The following MDM4 variants were observed in gnomAD, a reference collection of about 807,000 sequenced individuals.
MDM4 encodes protein Mdm4.
A neutral mutation model predicts 60.2 loss-of-function variants in MDM4; 2 were observed. That is an observed-to-expected ratio of 0.03 (90% confidence interval 0.01 to 0.10). The LOEUF (loss-of-function observed/expected upper bound fraction) is 0.10, where lower values mean the gene tolerates loss of function less well. Among genes scored for constraint, MDM4 ranks in the 10% least tolerant of loss-of-function variants. The probability of loss-of-function intolerance (pLI) is 1.00; values close to 1 mark genes in which losing one functional copy is unlikely to be tolerated. For synonymous variants in MDM4, 202 were observed against 198.1 expected, an observed-to-expected ratio of 1.02 and a Z score of -0.17; for missense variants, 447 against 577.5, an observed-to-expected ratio of 0.77 and a Z score of 2.32.
chr1:204,525,436 G>C, intron 1 of MDM4, 48 bp from the exon 2 acceptor site: 3 of 1,523,836 alleles, frequency 2.0e-6, no homozygotes, highest in Non-Finnish European at 2.6e-6. Flanking sequence ...GCTAAATAGG[G>C]AATTTTCTGC....
chr1:204,543,916 C>T (rs1662385359), intron 8 of MDM4, among the ~76,000 whole-genome samples: 1 of 152,144 alleles, frequency 6.6e-6, no homozygotes, highest in East Asian at 1.9e-4. Flanking sequence ...CAGTATGTGG[C>T]ACATAATAGG....
In MDM4 at chr1:204,558,001, A is replaced by C. The variant is rs1423641547; in HGVS notation, c.*8319A>C. On this transcript the variant is annotated 3_prime_UTR_variant, in exon 11 of 11. Transcript: ENST00000367182. ...GAAGGCATTTTCTGCATTCTTGCCT[A>C]GTTTTCCTTATAAGCACCACTAAGT... 5.4e-6 allele frequency: 1 copy of C among 185,766 alleles called. No homozygotes were observed. Among genetic ancestry groups the C allele is most frequent in the Admixed American group, 6.2e-5 (1 of 16,036 alleles). The allele number at this position is 185,766 out of a possible 1,614,324, so 11.5% of individuals were successfully genotyped here. A position where few individuals can be genotyped will look rare whatever the true frequency, so the allele number is the denominator to read the frequency against.
Position 204,552,875 on chromosome 1 carries a change from T to TTC in MDM4, c.*3194_*3195insCT, listed in dbSNP as rs939333519. 7.5e-5 allele frequency: 12 copies of TTC among 160,528 alleles called. No homozygotes were observed. The highest frequency in any genetic ancestry group is 2.5e-4 in the East Asian group (2 of 7,926). 9.9% of individuals were successfully genotyped at this position (160,528 alleles called of 1,614,324 possible). Reference sequence around the variant, plus strand: ...TTTAAACTATTTCTTTTCTTTTCTTTTTTTTTTTTTTTTACTTGAGATGGA... The same window carrying TTC: ...TTTAAACTATTTCTTTTCTTTTCTTTTCTTTTTTTTTTTTTACTTGAGATGGA... On this transcript the variant is annotated 3_prime_UTR_variant, in exon 11 of 11. Coordinates refer to ENST00000367182, the MANE Select transcript of MDM4 (RefSeq NM_002393.5).
At chr1:204,527,367 A>G (rs537111865) in intron 3 of MDM4, among the ~76,000 whole-genome samples, 2 of 151,970 alleles carry the variant, frequency 1.3e-5, no homozygotes, top group African/African-American at 2.4e-5. Context: ...TTTTTATTAT[A>G]AATGTGTCAG....
intron 1 of MDM4, among the ~76,000 whole-genome samples, chr1:204,523,855 T>G (rs1055158859): frequency 6.6e-6 from 1 of 152,180 alleles, no homozygotes; most frequent in African/African-American, 2.4e-5. Context: ...GGGGTTCTTA[T>G]CCCTGACGCA....
intron 5 of MDM4, among the ~76,000 whole-genome samples, chr1:204,534,586 C>G (rs1661201894): frequency 6.6e-6 from 1 of 152,168 alleles, no homozygotes. Flanking sequence ...CTCCGTGGCA[C>G]AAGCAGTCCT....
At chr1:204,529,735 G>T in intron 3 of MDM4, 2 of 488,598 alleles carry the variant, frequency 4.1e-6, no homozygotes, top group South Asian at 3.5e-5. Flanking sequence ...GGTAAAGTCT[G>T]GATTTTTATA....
Position 204,538,322 on chromosome 1 carries a change from TA to T in MDM4, c.511+16del. Reference sequence around the variant, plus strand: ...ATTCTAGAGAAGGTATGTTTTGGATTAAGGCTATATAGACTTTTGTTCTCTT... The same window carrying T: ...ATTCTAGAGAAGGTATGTTTTGGATTAGGCTATATAGACTTTTGTTCTCTT... On this transcript the variant is annotated intron_variant, in intron 7 of 10. Transcript: ENST00000367182. 1 of 1,368,488 alleles carries T rather than the reference TA, an allele frequency of 7.3e-7. No homozygotes were observed. The highest frequency in any genetic ancestry group is 1.2e-5 in the South Asian group (1 of 85,288). 84.8% of individuals were successfully genotyped at this position (1,368,488 alleles called of 1,614,324 possible).
At chr1:204,528,648 G>T (rs1356395822) in intron 3 of MDM4, among the ~76,000 whole-genome samples, 3 of 152,184 alleles carry the variant, frequency 2.0e-5, no homozygotes, top group African/African-American at 7.2e-5. Flanking sequence ...CTACCTGTGT[G>T]GCCTCAGCCC....
Position 204,549,352 on chromosome 1 carries a change from A to C in MDM4, c.1143A>C (p.Glu381Asp). The C allele has an allele frequency of 6.2e-7, 1 of 1,614,228 alleles. No individual in the cohort carries two copies. The highest frequency in any genetic ancestry group is 8.5e-7 in the Non-Finnish European group (1 of 1,180,038). The change falls in exon 11 of 11, where the codon GAA becomes GAC. Residue 381 changes from glutamate (E) to aspartate (D), a missense_variant. Coordinates refer to ENST00000367182, the MANE Select transcript of MDM4 (RefSeq NM_002393.5). ...VRPKDAYIKKENSKLFDPCNS... is the reference protein window; with the variant it reads ...VRPKDAYIKKDNSKLFDPCNS... The stretch of plus-strand genomic sequence containing the variant: ...CTAAAGATGCGTATATAAAGAAAGA[A>C]AACTCCAAACTTTTTGATCCCTGCA...
intron 3 of MDM4, among the ~76,000 whole-genome samples, chr1:204,530,175 T>G (rs1660723444): frequency 6.6e-6 from 1 of 152,242 alleles, no homozygotes; most frequent in African/African-American, 2.4e-5. Context: ...TTCAGCCGAC[T>G]AAATTTTTAT....
intron 7 of MDM4, among the ~76,000 whole-genome samples, chr1:204,538,540 C>CTAA (rs1027990124): frequency 2.0e-5 from 3 of 152,098 alleles, no homozygotes; most frequent in African/African-American, 7.2e-5. Flanking sequence ...AGCTAGCATG[C>CTAA]TACTAGAAAA....
intron 1 of MDM4, among the ~76,000 whole-genome samples, chr1:204,519,130 C>G (rs951786764): frequency 9.2e-5 from 14 of 152,280 alleles, no homozygotes; most frequent in African/African-American, 3.4e-4. Context: ...CAAGATACGA[C>G]TAAACAGTGC....
rs1572529040 is a variant in MDM4, at chr1:204,549,379, C to G, written c.1170C>G (p.Asn390Lys). Reference sequence around the variant, plus strand: ...ACTCCAAACTTTTTGATCCCTGCAACTCAGTGGAATTCTTGGATTTGGCTC... The same window carrying G: ...ACTCCAAACTTTTTGATCCCTGCAAGTCAGTGGAATTCTTGGATTTGGCTC... ...KENSKLFDPC[N>K]SVEFLDLAHS... The change falls in exon 11 of 11, where the codon AAC becomes AAG. Residue 390 changes from asparagine (N) to lysine (K), a missense_variant. By Grantham distance (94) the Asn-to-Lys change is moderately conservative. Transcript: ENST00000367182. 6.2e-7 allele frequency: 1 copy of G among 1,614,082 alleles called. No homozygotes were observed. The highest frequency in any genetic ancestry group is 1.3e-5 in the African/African-American group (1 of 75,020).
chr1:204,536,476 A>T (rs1003664658), intron 5 of MDM4, among the ~76,000 whole-genome samples: 2 of 152,226 alleles, frequency 1.3e-5, no homozygotes. Context: ...TCCTTCCTCT[A>T]GCAGCCTTTA....
intron 9 of MDM4, among the ~76,000 whole-genome samples, chr1:204,545,029 A>T (rs1662510534): frequency 1.3e-5 from 2 of 152,134 alleles, no homozygotes; most frequent in Non-Finnish European, 1.5e-5. Flanking sequence ...ATCAACACAA[A>T]TTCATAAACT....
At chr1:204,521,808 A>C (rs905513702) in intron 1 of MDM4, among the ~76,000 whole-genome samples, 2 of 152,222 alleles carry the variant, frequency 1.3e-5, no homozygotes, top group Non-Finnish European at 1.5e-5. Context: ...AAATGTATAA[A>C]TAGACAGTTA....
intron 1 of MDM4, among the ~76,000 whole-genome samples, chr1:204,519,559 A>G (rs12039365): frequency 0.16 from 24,829 of 152,134 alleles, 2,434 homozygotes; most frequent in East Asian, 0.38. Flanking sequence ...ATTAAAGAAC[A>G]TTGGCCTGGC....
chr1:204,524,090 G>T (rs1270980203), intron 1 of MDM4, among the ~76,000 whole-genome samples: 4 of 152,156 alleles, frequency 2.6e-5, no homozygotes, highest in Non-Finnish European at 5.9e-5. Flanking sequence ...AAGCTAGGAG[G>T]GGGTTGTTTA....
Sources: allele counts gnomAD v4.1 joint callset (sites outside exome capture counted in the v4.1 genomes callset), GRCh38; gene constraint gnomAD v4.1.1; transcripts MANE v1.5; gene names NCBI Gene and HGNC (gene_info 2026-07-23, HGNC 2026-07-21).